PTPN13: variants seen among roughly 807,000 people sequenced by gnomAD.
The protein encoded by PTPN13 is protein tyrosine phosphatase non-receptor type 13.
A neutral mutation model predicts 284.0 loss-of-function variants in PTPN13; 191 were observed. That is an observed-to-expected ratio of 0.67 (90% CI 0.60 to 0.76). The LOEUF (loss-of-function observed/expected upper bound fraction) is 0.76. Ranked by LOEUF, PTPN13 falls within the 30% of genes least tolerant of loss-of-function variation. The pLI is 0.00. For synonymous variants in PTPN13, 986 were observed against 1,022.3 expected (o/e 0.96, Z 0.68); for missense variants, 2,797 against 2,939.9 (o/e 0.95, Z 1.12).
rs770486090 is a variant in PTPN13 at position 86,775,251 on chromosome 4, A to C, written c.5589A>C (p.Leu1863Phe). The change falls in exon 34 of 48, where the codon TTA (leucine) becomes TTC (phenylalanine). Residue 1863 changes from leucine (L) to phenylalanine (F), a missense_variant. Transcript: ENST00000411767. Reference protein sequence around the residue: ...LLRAASKTVRLVIGRVLELPR... With the variant: ...LLRAASKTVRFVIGRVLELPR... ...GGGCTGCATCCAAAACAGTCAGATTAGTTATTGGACGAGTTCTAGAATTAC... is the reference window on the plus strand; with the variant it reads ...GGGCTGCATCCAAAACAGTCAGATTCGTTATTGGACGAGTTCTAGAATTAC... 1.2e-6 allele frequency: 2 copies of C among 1,613,472 alleles called. No homozygotes were observed. Among genetic ancestry groups the C allele is most frequent in the Admixed American group, 3.3e-5 (2 of 60,008 alleles).
chr4:86,808,056 G>A (rs1194692863), intron 45 of PTPN13, among the ~76,000 whole-genome samples, 159 bp downstream of exon 45: 2 of 152,152 alleles, frequency 1.3e-5, no homozygotes, highest in African/African-American at 4.8e-5. Context: ...TTTTCTTTAT[G>A]TAATATAAGT....
chr4:86,712,849 GT>G (rs1290707807), intron 7 of PTPN13, among the ~76,000 whole-genome samples: 1 of 151,954 alleles, frequency 6.6e-6, no homozygotes, highest in Non-Finnish European at 1.5e-5. Context: ...ATTGAAAAAA[GT>G]TTATTAGTAG....
intron 17 of PTPN13, among the ~76,000 whole-genome samples, chr4:86,747,984 C>G (rs1033433329): frequency 1.3e-5 from 2 of 152,128 alleles, no homozygotes; most frequent in African/African-American, 2.4e-5. Flanking sequence ...GTGTTTTGCC[C>G]TCATGTCATA....
At chr4:86,742,284 G>A (rs574868080) in intron 16 of PTPN13, among the ~76,000 whole-genome samples, 6 of 152,190 alleles carry the variant, frequency 3.9e-5, no homozygotes, top group African/African-American at 7.2e-5. Context: ...AGGACTTTCC[G>A]CAATTTTAGA....
At chr4:86,721,337 G>T (rs1733625405) in intron 9 of PTPN13, among the ~76,000 whole-genome samples, 1 of 151,994 alleles carries the variant, frequency 6.6e-6, no homozygotes, top group Admixed American at 6.6e-5. Context: ...GACTTTACAG[G>T]TAATCATTGA....
intron 14 of PTPN13, 138 bp from the exon 15 acceptor site, chr4:86,735,456 A>G: frequency 1.1e-6 from 1 of 883,776 alleles, no homozygotes; most frequent in Non-Finnish European, 1.7e-6. Flanking sequence ...CATTTCTTCT[A>G]AAACTCATTC....
intron 10 of PTPN13, among the ~76,000 whole-genome samples, chr4:86,731,122 G>A (rs894318057): frequency 1.6e-4 from 24 of 152,104 alleles, no homozygotes; most frequent in African/African-American, 5.6e-4. Context: ...ACAACCAAAT[G>A]CAAAGAAGAA....
At chr4:86,772,574 C>T (rs566242821) in intron 31 of PTPN13, among the ~76,000 whole-genome samples, 16 of 151,894 alleles carry the variant, frequency 1.1e-4, no homozygotes, top group Admixed American at 3.3e-4. Context: ...ACAAAAAAAA[C>T]CTAGACAGAG....
intron 47 of PTPN13, among the ~76,000 whole-genome samples, chr4:86,814,208 T>C (rs60292858): frequency 0.045 from 6,831 of 151,666 alleles, 503 homozygotes; most frequent in African/African-American, 0.16. Flanking sequence ...AGTTTCACCA[T>C]GTTGGCCAGG....
chr4:86,607,420 T>A (rs1764875821), intron 1 of PTPN13, among the ~76,000 whole-genome samples: 1 of 152,010 alleles, frequency 6.6e-6, no homozygotes, highest in Non-Finnish European at 1.5e-5. Flanking sequence ...AATATTATTG[T>A]GTGCTAGGCA....
At chr4:86,734,974 C>A in intron 14 of PTPN13, 99 bp downstream of exon 14, 1 of 1,359,686 alleles carries the variant, frequency 7.4e-7, no homozygotes, top group Non-Finnish European at 9.8e-7. Flanking sequence ...ATGTTTAGAT[C>A]TGAAGATTTT....
chr4:86,776,710 A>G (rs28587332), intron 35 of PTPN13, among the ~76,000 whole-genome samples: 15,196 of 152,280 alleles, frequency 0.1, 884 homozygotes, highest in Non-Finnish European at 0.11. Context: ...CTTACATTAC[A>G]TTATCCTACA....
At chr4:86,770,018 A>G (rs767849790) in intron 29 of PTPN13, 35 bp downstream of exon 29, 18 of 1,612,014 alleles carry the variant, frequency 1.1e-5, no homozygotes, top group Non-Finnish European at 1.4e-5. Flanking sequence ...AGCATTTTTA[A>G]TGATGAGATG....
In PTPN13 at chr4:86,809,800, A is replaced by G; in HGVS notation, c.7115A>G (p.Asn2372Ser). The G allele has an allele frequency of 6.2e-7, 1 of 1,614,002 alleles. No homozygotes were observed. The highest frequency in any genetic ancestry group is 8.5e-7 in the Non-Finnish European group (1 of 1,179,892). Residue 2372 changes from asparagine (N) to serine (S), a missense_variant, in exon 46 of 48, where the codon AAT becomes AGT. Coordinates refer to ENST00000411767, the MANE Select transcript of PTPN13 (RefSeq NM_080683.3). ...GAGGTGCGCCATATTTCTCATCTGA[A>G]TTTCACTGCCTGGCCAGACCATGAT... ...TREVRHISHL[N>S]FTAWPDHDTP...
intron 2 of PTPN13, among the ~76,000 whole-genome samples, chr4:86,637,896 G>C (rs575520692): frequency 6.6e-6 from 1 of 151,440 alleles, no homozygotes; most frequent in Non-Finnish European, 1.5e-5. Context: ...AATTGTCCCT[G>C]TTTGCAGACG....
Position 86,745,092 on chromosome 4 carries a change from A to G in PTPN13, c.2614A>G (p.Arg872Gly). 6.2e-7 allele frequency: 1 copy of G among 1,612,800 alleles called. No individual in the cohort carries two copies. The highest frequency in any genetic ancestry group is 1.1e-5 in the South Asian group (1 of 90,712). The change falls in exon 17 of 48, where the codon AGA becomes GGA. Residue 872 changes from arginine to glycine, a missense_variant. Arg to Gly is a moderately radical substitution (Grantham distance 125). Transcript: ENST00000411767. ...CCAGCATAAGTTCCAGCTACAGATG[A>G]GAGCAAGACAGAGCAACCAAGATGC... ...SYQHKFQLQM[R>G]ARQSNQDAQD... is the part of the protein sequence containing the mutation.
At chr4:86,646,451 C>T (rs1403165945) in intron 2 of PTPN13, among the ~76,000 whole-genome samples, 2 of 152,100 alleles carry the variant, frequency 1.3e-5, no homozygotes, top group Non-Finnish European at 2.9e-5. Flanking sequence ...GAGTGTGCCA[C>T]CATACCGGGC....
At chr4:86,743,342 A>G (rs546751201) in intron 16 of PTPN13, among the ~76,000 whole-genome samples, 2 of 152,178 alleles carry the variant, frequency 1.3e-5, no homozygotes, top group South Asian at 4.2e-4. Context: ...GTGGTTCTGT[A>G]GTTCTTTTGA....
intron 2 of PTPN13, among the ~76,000 whole-genome samples, chr4:86,668,065 A>G (rs1387020408): frequency 6.6e-6 from 1 of 152,072 alleles, no homozygotes; most frequent in Non-Finnish European, 1.5e-5. Context: ...CTTATCCTTA[A>G]CCTTGCCTCT....
Sources: gnomAD v4.1 joint callset for allele counts (sites outside exome capture counted in the v4.1 genomes callset) on GRCh38, gnomAD v4.1.1 for gene constraint, MANE v1.5 for transcripts, NCBI Gene and HGNC (gene_info 2026-07-23, HGNC 2026-07-21) for gene names.